The following VAV1 variants were observed in gnomAD, a reference collection of about 807,000 sequenced individuals.
VAV1 encodes the protein vav guanine nucleotide exchange factor 1.
In VAV1, 33 loss-of-function variants were observed where a neutral mutation model predicts 128.1. The observed-to-expected ratio is 0.26, with a 90% CI of 0.20 to 0.34. VAV1 has a LOEUF of 0.34. Among genes scored for constraint, VAV1 ranks in the 10% least tolerant of loss-of-function variants. VAV1 has a pLI of 1.00. For synonymous variants in VAV1, 394 were observed against 409.8 expected (o/e 0.96, Z 0.47); for missense variants, 715 against 1,093.7 (o/e 0.65, Z 4.88).
chr19:6,807,386 T>G (rs967401788), intron 1 of VAV1, among the ~76,000 whole-genome samples: 3 of 151,922 alleles, frequency 2.0e-5, no homozygotes, highest in Non-Finnish European at 4.4e-5. Flanking sequence ...ATCCCTCACA[T>G]GTGGAGTTCA....
At chr19:6,840,792 T>A (rs181732403) in intron 21 of VAV1, among the ~76,000 whole-genome samples, 41 of 151,684 alleles carry the variant, frequency 2.7e-4, no homozygotes, top group African/African-American at 9.4e-4. Flanking sequence ...TTTAAAAAAA[T>A]TTTTGAGATG....
At chr19:6,800,355 G>C (rs956283412) in intron 1 of VAV1, among the ~76,000 whole-genome samples, 8 of 151,770 alleles carry the variant, frequency 5.3e-5, no homozygotes, top group African/African-American at 1.9e-4. Flanking sequence ...TGTTGCCCAG[G>C]CTGGAGTGCA....
In VAV1 at chr19:6,777,108, T is replaced by TCATC. The variant is rs371563464; in HGVS notation, c.204+4120_204+4123dup. 1.6e-3 allele frequency among the ~76,000 whole-genome samples: 248 copies of TCATC among 150,424 alleles called. No individual in the cohort carries two copies. The highest frequency in any genetic ancestry group is 5.0e-3 in the African/African-American group (203 of 40,940). On this transcript the variant is annotated intron_variant, in intron 1 of 26. Transcript: ENST00000602142. The surrounding 1 kb of genome is among the most constrained non-coding windows in gnomAD (Gnocchi z 4.4). The stretch of plus-strand genomic sequence containing the variant: ...CCCACCCACCCATCCATCCATCTAC[T>TCATC]CATCCATCCATCCATCCATCCATCC...
chr19:6,804,878 C>T (rs1471238899), intron 1 of VAV1, among the ~76,000 whole-genome samples: 2 of 151,928 alleles, frequency 1.3e-5, no homozygotes, highest in East Asian at 1.9e-4. Context: ...CGCCCGCCAC[C>T]ATGCCCGGCT....
At chr19:6,853,730 C>CA (rs371494493) in intron 25 of VAV1, among the ~76,000 whole-genome samples, 4,182 of 135,968 alleles carry the variant, frequency 0.031, 160 homozygotes, top group African/African-American at 0.093. Context: ...GACTTTATCT[C>CA]AAAAAAAAAA....
intron 1 of VAV1, among the ~76,000 whole-genome samples, chr19:6,813,038 A>G (rs1424337581): frequency 3.3e-5 from 5 of 152,206 alleles, no homozygotes; most frequent in African/African-American, 1.2e-4. Flanking sequence ...CTTGTTACCT[A>G]TTTATTGCTA....
rs143676525 is a variant in VAV1 at position 6,838,275 on chromosome 19, A to G, written c.1980+1225A>G. ...TTATCTATTTACCTATCATCTATCC[A>G]TCTATTCGTCATCTACATATTATCT... On this transcript the variant is annotated intron_variant, in intron 21 of 26. Transcript: ENST00000602142. Among the ~76,000 whole-genome samples the G allele has an allele frequency of 8.1e-3, 1,231 of 151,056 alleles. 11 individuals are homozygous for G. The highest frequency in any genetic ancestry group is 0.012 in the Non-Finnish European group (792 of 67,874).
rs748749110 is a variant in VAV1 at position 6,820,671 on chromosome 19, G to A, written c.205-31G>A. ...AGTTTCTCCCCTGCCCTTTCGTACT[G>A]CCCCACCCTCATTTCTCTGTCTCCT... is the stretch of plus-strand genomic sequence containing the variant. On this transcript the variant is annotated intron_variant, in intron 1 of 26. Coordinates refer to ENST00000602142, the MANE Select transcript of VAV1 (RefSeq NM_005428.4). This position sits in a 1 kb window ranked among gnomAD's most constrained non-coding sequence, Gnocchi z 4.4. 10 of 1,604,424 alleles carry A rather than the reference G, an allele frequency of 6.2e-6. No individual in the cohort carries two copies. The highest frequency in any genetic ancestry group is 1.7e-5 in the Admixed American group (1 of 59,944).
intron 1 of VAV1, among the ~76,000 whole-genome samples, chr19:6,780,460 C>G (rs1970744514): frequency 1.3e-5 from 2 of 150,776 alleles, no homozygotes; most frequent in Admixed American, 1.3e-4. Flanking sequence ...TACTGCACAC[C>G]TGGGCTATAT....
Position 6,777,105 on chromosome 19 carries a change from T to TACTCATCCATCCATCCATCC in VAV1, c.204+4096_204+4115dup, listed in dbSNP as rs1970659848. ...CTGCCCACCCACCCATCCATCCATCTACTCATCCATCCATCCATCCATCCA... is the reference window on the plus strand; with the variant it reads ...CTGCCCACCCACCCATCCATCCATCTACTCATCCATCCATCCATCCACTCATCCATCCATCCATCCATCCA... On this transcript the variant is annotated intron_variant, in intron 1 of 26. Transcript: ENST00000602142. This position sits in a 1 kb window ranked among gnomAD's most constrained non-coding sequence, Gnocchi z 4.4. 6.7e-6 allele frequency among the ~76,000 whole-genome samples: 1 copy of TACTCATCCATCCATCCATCC among 150,300 alleles called. No individual in the cohort carries two copies. The highest frequency in any genetic ancestry group is 1.5e-5 in the Non-Finnish European group (1 of 67,444).
chr19:6,799,084 T>TG (rs1272221982), intron 1 of VAV1, among the ~76,000 whole-genome samples: 2 of 152,190 alleles, frequency 1.3e-5, no homozygotes, highest in Non-Finnish European at 2.9e-5. Flanking sequence ...TCCATGTTGT[T>TG]GTATGTATCA....
intron 1 of VAV1, among the ~76,000 whole-genome samples, chr19:6,789,683 C>T (rs994370944): frequency 3.3e-5 from 5 of 151,910 alleles, no homozygotes; most frequent in East Asian, 3.9e-4. Context: ...CTGCAACCTC[C>T]GCATCATGGG....
At chr19:6,815,711 C>T (rs545945226) in intron 1 of VAV1, among the ~76,000 whole-genome samples, 69 of 152,236 alleles carry the variant, frequency 4.5e-4, no homozygotes, top group African/African-American at 1.6e-3. Flanking sequence ...GTTTGTATCC[C>T]GGCTGTGTGT....
At chr19:6,773,971 C>G (rs906519763) in intron 1 of VAV1, among the ~76,000 whole-genome samples, 3 of 152,014 alleles carry the variant, frequency 2.0e-5, no homozygotes, top group African/African-American at 7.3e-5. Context: ...TCTGAGGGGA[C>G]AGCTCCCATC....
intron 21 of VAV1, 84 bp from the exon 22 acceptor site, chr19:6,843,047 GTGAA>G (rs1418171831): frequency 1.7e-4 from 241 of 1,379,848 alleles, no homozygotes; most frequent in Middle Eastern, 4.7e-4. Flanking sequence ...AGTGGAATGA[GTGAA>G]TGAATGAATG....
At chr19:6,818,630 G>A (rs1450972046) in intron 1 of VAV1, among the ~76,000 whole-genome samples, 1 of 152,152 alleles carries the variant, frequency 6.6e-6, no homozygotes, top group Non-Finnish European at 1.5e-5. Context: ...ATTTGGATAT[G>A]GAGTATTTAC....
At chr19:6,792,566 CTGTTTTGTTT>C (rs59781838) in intron 1 of VAV1, among the ~76,000 whole-genome samples, 2 of 151,068 alleles carry the variant, frequency 1.3e-5, no homozygotes, top group African/African-American at 2.4e-5. Context: ...GTTCTTTTTT[CTGTTTTGTTT>C]TGTTTTGTTT....
intron 1 of VAV1, among the ~76,000 whole-genome samples, chr19:6,797,751 A>G (rs913775888): frequency 6.6e-6 from 1 of 151,818 alleles, no homozygotes; most frequent in Non-Finnish European, 1.5e-5. Flanking sequence ...TCTAAAAAAA[A>G]AAAAAAAAAA....
At chr19:6,782,904 A>C (rs887638880) in intron 1 of VAV1, among the ~76,000 whole-genome samples, 1 of 151,008 alleles carries the variant, frequency 6.6e-6, no homozygotes, top group African/African-American at 2.4e-5. Flanking sequence ...AAAAAAGGCC[A>C]GGTGCAGTGG....
Sources: allele counts gnomAD v4.1 joint callset (sites outside exome capture counted in the v4.1 genomes callset), GRCh38; gene constraint gnomAD v4.1.1; non-coding constraint Gnocchi (gnomAD v3.1); transcripts MANE v1.5; gene names NCBI Gene and HGNC (gene_info 2026-07-23, HGNC 2026-07-21).